The following AOAH variants were observed in gnomAD, a reference collection of about 807,000 sequenced individuals.
AOAH encodes acyloxyacyl hydrolase.
AOAH carries 64 observed loss-of-function variants against 92.2 expected under a neutral mutation model. That is an observed-to-expected ratio of 0.69 (90% CI 0.57 to 0.86). The LOEUF is 0.86. Ranked by LOEUF, AOAH falls within the 40% of genes least tolerant of loss-of-function variation. AOAH has a pLI of 0.00. For synonymous variants in AOAH, 263 were observed against 254.5 expected (o/e 1.03, Z -0.32); for missense variants, 656 against 694.6 (o/e 0.94, Z 0.62).
In AOAH at chr7:36,516,112, TCACA is replaced by T. The variant is rs1454774935; in HGVS notation, c.1600-2736_1600-2733del. ...ACCATACACACACCACACAGATACA[TCACA>T]CACACACCACACACAGATACACCAC... is the stretch of plus-strand genomic sequence containing the variant. On this transcript the variant is annotated intron_variant, in intron 20 of 20. Coordinates refer to ENST00000617537, the MANE Select transcript of AOAH (RefSeq NM_001637.4). This position sits in a 1 kb window ranked among gnomAD's most constrained non-coding sequence, Gnocchi z 5.0. 8.6e-6 allele frequency among the ~76,000 whole-genome samples: 1 copy of T among 115,834 alleles called. No individual in the cohort carries two copies. Among genetic ancestry groups the T allele is most frequent in the Non-Finnish European group, 1.8e-5 (1 of 55,096 alleles). 76.0% of individuals were successfully genotyped at this position (115,834 alleles called of 152,430 possible).
intron 20 of AOAH, 91 bp downstream of exon 20, chr7:36,521,948 G>T: frequency 9.1e-7 from 1 of 1,099,782 alleles, no homozygotes. Flanking sequence ...GAACAAAACA[G>T]GATAAAAATA....
At chr7:36,548,713 TG>T (rs1785976022) in intron 14 of AOAH, 27 bp from the exon 15 acceptor site, 1 of 1,596,572 alleles carries the variant, frequency 6.3e-7, no homozygotes, top group East Asian at 2.2e-5. Context: ...GGAATCTGAA[TG>T]TCAGATACTT....
At chr7:36,576,197 T>C (rs1299931311) in intron 13 of AOAH, among the ~76,000 whole-genome samples, 1 of 152,184 alleles carries the variant, frequency 6.6e-6, no homozygotes, top group Non-Finnish European at 1.5e-5. Flanking sequence ...GTGGGAGACT[T>C]TGCACCATCA....
At chr7:36,517,732 C>G (rs1013898032) in intron 20 of AOAH, among the ~76,000 whole-genome samples, 1 of 150,734 alleles carries the variant, frequency 6.6e-6, no homozygotes, top group Non-Finnish European at 1.5e-5. Context: ...TCCTGAGTAG[C>G]TGGGATTACA....
At chr7:36,642,520 C>T (rs894826520) in intron 4 of AOAH, among the ~76,000 whole-genome samples, 1 of 152,238 alleles carries the variant, frequency 6.6e-6, no homozygotes, top group African/African-American at 2.4e-5. Flanking sequence ...CAATTGCTTT[C>T]TGTTGCTTAA....
At chr7:36,584,983 T>C (rs1053483725) in intron 12 of AOAH, among the ~76,000 whole-genome samples, 10 of 152,142 alleles carry the variant, frequency 6.6e-5, no homozygotes, top group African/African-American at 2.4e-4. Context: ...CTGATTCCCA[T>C]ACTCAGGATG....
intron 1 of AOAH, among the ~76,000 whole-genome samples, chr7:36,696,855 G>C (rs1797746876): frequency 7.3e-6 from 1 of 136,298 alleles, no homozygotes; most frequent in South Asian, 2.6e-4. Flanking sequence ...ACAGAGCGAG[G>C]CTACGTCTCC....
intron 16 of AOAH, among the ~76,000 whole-genome samples, chr7:36,532,800 G>A (rs867043806): frequency 2.0e-5 from 3 of 152,236 alleles, no homozygotes; most frequent in East Asian, 1.9e-4. Context: ...TTTATGAAAC[G>A]CTCAGGTCTG....
At chr7:36,563,147 CAAAAAAAAAAAAAAAAAAAA>C (rs60240330) in intron 13 of AOAH, among the ~76,000 whole-genome samples, 35 of 36,054 alleles carry the variant, frequency 9.7e-4, no homozygotes, top group South Asian at 2.7e-3. Flanking sequence ...AACTCCGTCT[CAAAAAAAAAAAAAAAAAAAA>C]AAAAAAAAAA....
At chr7:36,596,172 C>T (rs905659380) in intron 11 of AOAH, among the ~76,000 whole-genome samples, 5 of 94,890 alleles carry the variant, frequency 5.3e-5, no homozygotes, top group South Asian at 2.8e-4. Context: ...AGCCCCCCCA[C>T]CCCCCGTCAC....
At chr7:36,545,969 A>T (rs1052396062) in intron 15 of AOAH, among the ~76,000 whole-genome samples, 3 of 152,170 alleles carry the variant, frequency 2.0e-5, no homozygotes, top group Non-Finnish European at 4.4e-5. Flanking sequence ...CTTCCATATC[A>T]TTCACATTAC....
intron 13 of AOAH, among the ~76,000 whole-genome samples, chr7:36,558,404 T>C (rs1786964225): frequency 6.6e-6 from 1 of 152,030 alleles, no homozygotes; most frequent in Non-Finnish European, 1.5e-5. Context: ...TACTGGGGGG[T>C]GCCTCCCAGT....
At chr7:36,586,478 G>A (rs1232014450) in intron 12 of AOAH, among the ~76,000 whole-genome samples, 2 of 152,150 alleles carry the variant, frequency 1.3e-5, no homozygotes, top group Non-Finnish European at 2.9e-5. Context: ...TTGCCCTCCA[G>A]GACTGTAAGC....
chr7:36,687,576 G>A (rs770513545), intron 1 of AOAH, among the ~76,000 whole-genome samples: 7 of 148,974 alleles, frequency 4.7e-5, no homozygotes, highest in East Asian at 2.0e-4. Flanking sequence ...TCTTTTTTTC[G>A]TATAAACAAG....
rs148062210 is a variant in AOAH, at chr7:36,719,239, A to T, written c.127+4783T>A. ...TCCAATAAATGTTGGCAATTATTAT[A>T]ATTATTAACTCGCAAATGTAATTTG... On this transcript the variant is annotated intron_variant, in intron 1 of 20. Transcript: ENST00000617537. Among the ~76,000 whole-genome samples the T allele has an allele frequency of 7.0e-3, 1,070 of 152,304 alleles. 8 individuals are homozygous for T. The highest frequency in any genetic ancestry group is 0.011 in the Non-Finnish European group (735 of 68,028).
intron 1 of AOAH, among the ~76,000 whole-genome samples, chr7:36,696,449 G>C (rs1340898582): frequency 6.6e-6 from 1 of 152,062 alleles, no homozygotes; most frequent in Admixed American, 6.5e-5. Flanking sequence ...GCAATATTTT[G>C]TAATTTTCAG....
chr7:36,540,084 A>G (rs1441422771), intron 16 of AOAH, among the ~76,000 whole-genome samples: 2 of 152,098 alleles, frequency 1.3e-5, no homozygotes, highest in Admixed American at 6.6e-5. Flanking sequence ...TTACCTTTCA[A>G]TGTGTCCCAA....
intron 13 of AOAH, among the ~76,000 whole-genome samples, chr7:36,574,033 C>T (rs1299929822): frequency 6.6e-6 from 1 of 152,058 alleles, no homozygotes; most frequent in East Asian, 1.9e-4. Context: ...GGTTACATTG[C>T]TGCGTAATAT....
intron 11 of AOAH, chr7:36,600,169 A>C (rs1368496280): frequency 6.6e-6 from 1 of 152,210 alleles, no homozygotes. Flanking sequence ...ACTTGCACAA[A>C]TTGTTCAATT....
Sources: allele counts gnomAD v4.1 joint callset (sites outside exome capture counted in the v4.1 genomes callset), GRCh38; gene constraint gnomAD v4.1.1; non-coding constraint Gnocchi (gnomAD v3.1); transcripts MANE v1.5; gene names NCBI Gene and HGNC (gene_info 2026-07-23, HGNC 2026-07-21).